Variants in ZWILCH observed in about 807,000 individuals in gnomAD.
ZWILCH encodes the protein zwilch kinetochore protein, also known as protein zwilch homolog.
Under a neutral mutation model 79.9 loss-of-function variants are expected in ZWILCH, and 74 were observed. The observed-to-expected ratio is 0.93, with a 90% CI of 0.77 to 1.12. ZWILCH has a LOEUF of 1.12. Among genes scored for constraint, ZWILCH ranks in the 50% most tolerant of loss-of-function variants. The pLI is 0.00. For synonymous variants in ZWILCH, 241 were observed against 228.2 expected (o/e 1.06, Z -0.51); for missense variants, 694 against 687.5 (o/e 1.01, Z -0.11).
chr15:66,522,936 C>G (rs1254627495), intron 7 of ZWILCH, among the ~76,000 whole-genome samples: 1 of 152,122 alleles, frequency 6.6e-6, no homozygotes, highest in African/African-American at 2.4e-5. Flanking sequence ...TATTCTCCTG[C>G]CTCAGCCTCC....
At chr15:66,540,638 T>C (rs1230886707) in intron 17 of ZWILCH, among the ~76,000 whole-genome samples, 2 of 151,022 alleles carry the variant, frequency 1.3e-5, no homozygotes, top group African/African-American at 2.4e-5. Context: ...TTCTTTCTTT[T>C]TTTTTTTTGA....
At chr15:66,518,462 A>G (rs988562479) in intron 4 of ZWILCH, among the ~76,000 whole-genome samples, 1 of 151,922 alleles carries the variant, frequency 6.6e-6, no homozygotes, top group Non-Finnish European at 1.5e-5. Flanking sequence ...TTGTATTTTT[A>G]GTAGAGATGG....
intron 5 of ZWILCH, 36 bp from the exon 6 acceptor site, chr15:66,520,554 T>C (rs377676375): frequency 1.8e-6 from 2 of 1,097,724 alleles, no homozygotes; most frequent in South Asian, 1.3e-5. Flanking sequence ...TAATTTTGAG[T>C]TGTGCCTTTA....
At chr15:66,544,724 TTG>T (rs1555426547) in intron 17 of ZWILCH, among the ~76,000 whole-genome samples, 67 of 128,530 alleles carry the variant, frequency 5.2e-4, no homozygotes, top group East Asian at 1.2e-3. Flanking sequence ...TTTTTGGTTT[TTG>T]TGTGTGTGTG....
At chr15:66,518,748 C>A in intron 4 of ZWILCH, 131 bp from the exon 5 acceptor site, 1 of 800,130 alleles carries the variant, frequency 1.2e-6, no homozygotes, top group Non-Finnish European at 2.0e-6. Flanking sequence ...GAGGCCAAGG[C>A]TGTAGTGAGC....
rs146385410 is a variant in ZWILCH, at chr15:66,533,143, G to T, written c.1341+130G>T. The T allele has an allele frequency of 2.8e-3, 1,423 of 511,928 alleles. 16 individuals are homozygous for T. The highest frequency in any genetic ancestry group is 0.025 in the African/African-American group (1,262 of 50,174). 31.7% of individuals were successfully genotyped at this position (511,928 alleles called of 1,614,324 possible). On this transcript the variant is annotated intron_variant, in intron 14 of 18. Coordinates refer to ENST00000307897, the MANE Select transcript of ZWILCH (RefSeq NM_017975.5). ...GAAATGGATAAATAAGACAGTCAGT[G>T]CCCGTAGTTATTACTGCCTAGTAAG...
intron 17 of ZWILCH, among the ~76,000 whole-genome samples, chr15:66,544,030 C>T (rs1301514237): frequency 2.0e-5 from 3 of 152,102 alleles, no homozygotes; most frequent in Admixed American, 6.5e-5. Flanking sequence ...GAGGCCAAGG[C>T]GGGTGGATCA....
chr15:66,542,172 C>T (rs753384213), intron 17 of ZWILCH, among the ~76,000 whole-genome samples: 5 of 152,170 alleles, frequency 3.3e-5, no homozygotes, highest in South Asian at 2.1e-4. Flanking sequence ...TAGCCCAGGC[C>T]GGGCACGGTG....
chr15:66,546,222 C>T (rs1342470796), intron 17 of ZWILCH, among the ~76,000 whole-genome samples: 2 of 152,044 alleles, frequency 1.3e-5, no homozygotes, highest in African/African-American at 4.8e-5. Flanking sequence ...GTGTCTAGCC[C>T]TAAGACTACA....
intron 17 of ZWILCH, among the ~76,000 whole-genome samples, chr15:66,544,838 G>A (rs1174258112): frequency 6.7e-6 from 1 of 149,428 alleles, no homozygotes; most frequent in Non-Finnish European, 1.5e-5. Context: ...CCGCCTCCCG[G>A]GTTCAAGCTA....
intron 2 of ZWILCH, among the ~76,000 whole-genome samples, chr15:66,509,859 A>G (rs1038085104): frequency 1.1e-4 from 11 of 97,734 alleles, no homozygotes; most frequent in African/African-American, 1.7e-4. Context: ...ATATATATAT[A>G]TATATATATA....
At chr15:66,529,649 C>T (rs1894800624) in intron 12 of ZWILCH, 76 bp downstream of exon 12, 6 of 1,107,866 alleles carry the variant, frequency 5.4e-6, no homozygotes, top group Non-Finnish European at 8.1e-6. Flanking sequence ...CTGAAGCCAA[C>T]TGCCTGAGTC....
chr15:66,520,729 G>T, intron 6 of ZWILCH, 69 bp downstream of exon 6: 4 of 1,048,918 alleles, frequency 3.8e-6, no homozygotes, highest in East Asian at 5.0e-5. Context: ...TAGTTTACAG[G>T]TTTTTTTTCA....
At chr15:66,544,890 CG>C (rs1895321688) in intron 17 of ZWILCH, among the ~76,000 whole-genome samples, 1 of 151,356 alleles carries the variant, frequency 6.6e-6, no homozygotes, top group South Asian at 2.1e-4. Flanking sequence ...ATTACAGGCG[CG>C]TGCCACCACG....
intron 12 of ZWILCH, 99 bp downstream of exon 12, chr15:66,529,672 C>T: frequency 1.1e-6 from 1 of 872,710 alleles, no homozygotes; most frequent in South Asian, 1.6e-5. Context: ...AATTTCAGCT[C>T]TGCTACTTTC....
chr15:66,528,808 TA>T (rs144106132), intron 10 of ZWILCH, 43 bp from the exon 11 acceptor site: 1,693 of 1,195,202 alleles, frequency 1.4e-3, no homozygotes, highest in South Asian at 2.3e-3. Flanking sequence ...TTATTTCACT[TA>T]AAAAAAAAAC....
intron 15 of ZWILCH, among the ~76,000 whole-genome samples, chr15:66,536,889 C>G (rs541448095): frequency 1.3e-5 from 2 of 151,080 alleles, no homozygotes; most frequent in African/African-American, 2.5e-5. Context: ...CCCCACGAAG[C>G]CTTTCTTTGG....
chr15:66,536,082 G>A lies in ZWILCH; in HGVS notation c.1478+13G>A. The A allele has an allele frequency of 6.9e-6, 11 of 1,584,136 alleles. No individual in the cohort carries two copies. Among genetic ancestry groups the A allele is most frequent in the Non-Finnish European group, 9.4e-6 (11 of 1,167,454 alleles). ...TTTCTTTAACACAGTAAGTACATCT[G>A]TATTCTTCACTTATATAGAAATGTA... On this transcript the variant is annotated intron_variant, in intron 15 of 18. Transcript: ENST00000307897.
intron 14 of ZWILCH, among the ~76,000 whole-genome samples, chr15:66,533,862 G>A (rs1894929838): frequency 2.0e-5 from 3 of 152,102 alleles, no homozygotes; most frequent in South Asian, 2.1e-4. Flanking sequence ...GCTCCCTCCT[G>A]TAATCCCAAC....
Sources: gnomAD v4.1 joint callset for allele counts (sites outside exome capture counted in the v4.1 genomes callset) on GRCh38, gnomAD v4.1.1 for gene constraint, MANE v1.5 for transcripts, NCBI Gene and HGNC (gene_info 2026-07-23, HGNC 2026-07-21) for gene names.